Variants in TBC1D22B observed in about 807,000 individuals in gnomAD.
The protein encoded by TBC1D22B is chromosome 6 open reading frame 197.
Under a neutral mutation model 69.1 loss-of-function variants are expected in TBC1D22B, and 32 were observed. That is an observed-to-expected ratio of 0.46 (90% CI 0.35 to 0.62). The LOEUF (loss-of-function observed/expected upper bound fraction) is 0.62, where lower values mean the gene tolerates loss of function less well. Ranked by LOEUF, TBC1D22B falls within the 20% of genes least tolerant of loss-of-function variation. The probability of loss-of-function intolerance (pLI) is 0.00; values close to 1 mark genes in which losing one functional copy is unlikely to be tolerated. For missense variants in TBC1D22B, 462 were observed against 630.9 expected (o/e 0.73, Z 2.87); for synonymous variants, 206 against 229.8 (o/e 0.90, Z 0.94).
At chr6:37,305,342 T>TG (rs1363848864) in intron 8 of TBC1D22B, among the ~76,000 whole-genome samples, 4 of 152,168 alleles carry the variant, frequency 2.6e-5, no homozygotes, top group Non-Finnish European at 4.4e-5. Context: ...CTGTCATACA[T>TG]GCACAGTTCG....
At position 37,282,336 on chromosome 6, in the gene TBC1D22B, A is replaced by C; in HGVS notation, c.573A>C (p.Gln191His). 1.2e-6 allele frequency: 2 copies of C among 1,611,634 alleles called. No individual in the cohort carries two copies. Among genetic ancestry groups the C allele is most frequent in the Non-Finnish European group, 1.7e-6 (2 of 1,178,562 alleles). Residue 191 changes from glutamine to histidine, a missense_variant, in exon 4 of 13, where the codon CAA (glutamine) becomes CAC (histidine). Gln to His is a conservative substitution (Grantham distance 24, BLOSUM62 0). Coordinates refer to ENST00000373491, the MANE Select transcript of TBC1D22B (RefSeq NM_017772.4). ...REKTRLEKFR[Q>H]LLSSQNTDLD... ...AAACCCGCCTAGAAAAATTCCGTCAACTTCTCTCCAGCCAGAACACTGACT... is the reference window on the plus strand; with the variant it reads ...AAACCCGCCTAGAAAAATTCCGTCACCTTCTCTCCAGCCAGAACACTGACT...
chr6:37,284,275 A>G lies in TBC1D22B; in HGVS notation c.673-61A>G. On this transcript the variant is annotated intron_variant, in intron 5 of 12. Coordinates refer to ENST00000373491, the MANE Select transcript of TBC1D22B (RefSeq NM_017772.4). The stretch of plus-strand genomic sequence containing the variant: ...TCCAAACCACTGCATAGATTAAAAT[A>G]AAAATTAAGGATTTATCCAACCATT... 1.9e-6 allele frequency: 3 copies of G among 1,611,962 alleles called. No homozygotes were observed. The East Asian group carries it at 6.7e-5, about 36-fold the overall frequency.
intron 8 of TBC1D22B, among the ~76,000 whole-genome samples, chr6:37,301,025 A>T (rs1478866194): frequency 6.6e-6 from 1 of 152,074 alleles, no homozygotes; most frequent in African/African-American, 2.4e-5. Context: ...TATGTTTGTG[A>T]CTATTTTAGA....
Position 37,331,705 on chromosome 6 carries a change from C to T in TBC1D22B, c.*533C>T, listed in dbSNP as rs1768587580. ...ATTCTAGATGGAGGAGGCACTGATG[C>T]TTGTAACTCTGGAAAGAGGCCTACA... On this transcript the variant is annotated 3_prime_UTR_variant, in exon 13 of 13. Coordinates refer to ENST00000373491, the MANE Select transcript of TBC1D22B (RefSeq NM_017772.4). The T allele has an allele frequency of 6.5e-6, 1 of 152,952 alleles. No individual in the cohort carries two copies. Among genetic ancestry groups the T allele is most frequent in the East Asian group, 1.9e-4 (1 of 5,192 alleles). 9.5% of individuals were successfully genotyped at this position (152,952 alleles called of 1,614,324 possible). A position where few individuals can be genotyped will look rare whatever the true frequency, so the allele number is the denominator to read the frequency against.
chr6:37,259,250 A>G (rs1765981256), intron 1 of TBC1D22B, among the ~76,000 whole-genome samples: 1 of 152,214 alleles, frequency 6.6e-6, no homozygotes. Context: ...ATAGAAAGGA[A>G]TGCAAAGATA....
In TBC1D22B at chr6:37,278,568, C is replaced by T. The variant is rs1219948658; in HGVS notation, c.114-736C>T. On this transcript the variant is annotated intron_variant, in intron 2 of 12. Transcript: ENST00000373491. ...AGGCTCCTCGACATAGTTACTGCTG[C>T]TCCACATAGCCACTCAGTTACCTAG... 2.6e-5 allele frequency among the ~76,000 whole-genome samples: 4 copies of T among 152,102 alleles called. No homozygotes were observed. The East Asian group carries it at 7.7e-4, about 29-fold the overall frequency.
At chr6:37,317,444 C>G (rs1373980942) in intron 12 of TBC1D22B, among the ~76,000 whole-genome samples, 1 of 152,054 alleles carries the variant, frequency 6.6e-6, no homozygotes, top group Non-Finnish European at 1.5e-5. Context: ...CTGGGCAGGC[C>G]TAAGAGATCT....
chr6:37,290,648 C>T (rs889184638), intron 7 of TBC1D22B, among the ~76,000 whole-genome samples: 1 of 152,096 alleles, frequency 6.6e-6, no homozygotes, highest in African/African-American at 2.4e-5. Flanking sequence ...TGTTTGACTT[C>T]CTATCCTTAG....
rs1268708992 is a variant in TBC1D22B, at chr6:37,292,134, T to C, written c.982+777T>C. On this transcript the variant is annotated intron_variant, in intron 8 of 12. Coordinates refer to ENST00000373491, the MANE Select transcript of TBC1D22B (RefSeq NM_017772.4). ...ACATCGAAAGGATCTTAGAAAGCCATTCATGTAATCCCTCATTTCACTGAG... is the reference window on the plus strand; with the variant it reads ...ACATCGAAAGGATCTTAGAAAGCCACTCATGTAATCCCTCATTTCACTGAG... Among the ~76,000 whole-genome samples, 7 of 152,358 alleles carry C rather than the reference T, an allele frequency of 4.6e-5. No individual in the cohort carries two copies. In the South Asian group the frequency reaches 8.3e-4, roughly 18 times the overall value.
At chr6:37,314,049 G>C (rs925328452) in intron 10 of TBC1D22B, among the ~76,000 whole-genome samples, 158 bp downstream of exon 10, 3 of 152,136 alleles carry the variant, frequency 2.0e-5, no homozygotes, top group Non-Finnish European at 2.9e-5. Context: ...CCACATCTCA[G>C]CAGGAAGGTG....
intron 1 of TBC1D22B, among the ~76,000 whole-genome samples, chr6:37,263,180 A>C (rs1766164165): frequency 6.6e-6 from 1 of 152,240 alleles, no homozygotes; most frequent in Non-Finnish European, 1.5e-5. Flanking sequence ...CTACAGAAAA[A>C]GATATGGCAC....
At chr6:37,268,967 A>T (rs905463389) in intron 1 of TBC1D22B, among the ~76,000 whole-genome samples, 3 of 152,108 alleles carry the variant, frequency 2.0e-5, no homozygotes, top group Admixed American at 2.0e-4. Flanking sequence ...GGTTATTTCT[A>T]GTTTGGGGCT....
chr6:37,296,468 C>T (rs1767375108), intron 8 of TBC1D22B, among the ~76,000 whole-genome samples: 2 of 152,028 alleles, frequency 1.3e-5, no homozygotes, highest in Non-Finnish European at 2.9e-5. Context: ...CTCACCTCAG[C>T]GTCCTGGATA....
intron 8 of TBC1D22B, among the ~76,000 whole-genome samples, chr6:37,310,020 T>C (rs993452215): frequency 1.4e-5 from 2 of 147,158 alleles, no homozygotes; most frequent in African/African-American, 4.9e-5. Flanking sequence ...AAATATATAT[T>C]ATAAAATATA....
chr6:37,274,422 C>G (rs1401415544), intron 2 of TBC1D22B, among the ~76,000 whole-genome samples: 1 of 152,208 alleles, frequency 6.6e-6, no homozygotes, highest in Non-Finnish European at 1.5e-5. Flanking sequence ...GTTTGTGTTA[C>G]TAAGGTACTC....
At chr6:37,316,944 C>G (rs1381889966) in intron 11 of TBC1D22B, 114 bp downstream of exon 11, 9 of 1,558,922 alleles carry the variant, frequency 5.8e-6, no homozygotes, top group Non-Finnish European at 7.0e-6. Flanking sequence ...TTTTCTACTT[C>G]CATGTCTGCT....
chr6:37,287,108 C>T (rs1767030420), intron 7 of TBC1D22B, 36 bp downstream of exon 7: 2 of 1,553,272 alleles, frequency 1.3e-6, no homozygotes, highest in Non-Finnish European at 1.7e-6. Context: ...GGCGCTTCTC[C>T]CCGCATAGTT....
At chr6:37,313,602 C>G (rs559322377) in intron 9 of TBC1D22B, among the ~76,000 whole-genome samples, 1 of 152,316 alleles carries the variant, frequency 6.6e-6, no homozygotes, top group East Asian at 1.9e-4. Context: ...GCTCTGTACC[C>G]CAAGCACATG....
chr6:37,300,408 C>A (rs1767529537), intron 8 of TBC1D22B, among the ~76,000 whole-genome samples: 1 of 152,018 alleles, frequency 6.6e-6, no homozygotes, highest in Admixed American at 6.6e-5. Flanking sequence ...GTTGCCTAGG[C>A]TGGAGTGCAA....
Sources: allele counts gnomAD v4.1 joint callset (sites outside exome capture counted in the v4.1 genomes callset), GRCh38; gene constraint gnomAD v4.1.1; transcripts MANE v1.5; gene names NCBI Gene and HGNC (gene_info 2026-07-23, HGNC 2026-07-21).